Variants in IGF2BP2 observed in about 807,000 individuals in gnomAD.
IGF2BP2 encodes the protein insulin like growth factor 2 mRNA binding protein 2, also known as insulin-like growth factor 2 mRNA-binding protein 2.
IGF2BP2 carries 17 observed loss-of-function variants against 75.8 expected under a neutral mutation model. The observed-to-expected ratio is 0.22, with a 90% CI of 0.15 to 0.34. The LOEUF (loss-of-function observed/expected upper bound fraction) is 0.34, where lower values mean the gene tolerates loss of function less well. Among genes scored for constraint, IGF2BP2 ranks in the 10% least tolerant of loss-of-function variants. The probability of loss-of-function intolerance (pLI) is 1.00; values close to 1 mark genes in which losing one functional copy is unlikely to be tolerated. For synonymous variants in IGF2BP2, 288 were observed against 295.6 expected, an observed-to-expected ratio of 0.97 and a Z score of 0.26; for missense variants, 516 against 772.4, an observed-to-expected ratio of 0.67 and a Z score of 3.93.
At chr3:185,672,811 G>T in intron 9 of IGF2BP2, 142 bp from the exon 10 acceptor site, 1 of 861,522 alleles carries the variant, frequency 1.2e-6, no homozygotes, top group South Asian at 1.8e-5. Flanking sequence ...TGTATCAGAG[G>T]TGGGTGCCAC....
intron 7 of IGF2BP2, among the ~76,000 whole-genome samples, chr3:185,681,435 A>G (rs1720371966): frequency 6.6e-6 from 1 of 152,230 alleles, no homozygotes; most frequent in Non-Finnish European, 1.5e-5. Context: ...AGAAATTTAA[A>G]GGCACAAATA....
At chr3:185,805,741 C>A (rs1011497049) in intron 2 of IGF2BP2, among the ~76,000 whole-genome samples, 1 of 151,062 alleles carries the variant, frequency 6.6e-6, no homozygotes, top group Non-Finnish European at 1.5e-5. Context: ...CCTCTTAACT[C>A]GGGAAGATTA....
At chr3:185,792,396 A>T (rs945930200) in intron 2 of IGF2BP2, among the ~76,000 whole-genome samples, 1 of 152,192 alleles carries the variant, frequency 6.6e-6, no homozygotes, top group Non-Finnish European at 1.5e-5. Flanking sequence ...CTTAAGGCCC[A>T]GGGTTTGAAA....
At chr3:185,759,535 G>A (rs77969727) in intron 2 of IGF2BP2, among the ~76,000 whole-genome samples, 3,536 of 152,290 alleles carry the variant, frequency 0.023, 69 homozygotes, top group Middle Eastern at 0.054. Flanking sequence ...GCGAAACTAC[G>A]CTTAAGAGGT....
chr3:185,709,040 A>AT (rs1293976964), intron 2 of IGF2BP2, among the ~76,000 whole-genome samples: 1 of 152,230 alleles, frequency 6.6e-6, no homozygotes, highest in Non-Finnish European at 1.5e-5. Flanking sequence ...TCCTCAACTC[A>AT]TTATCTGTAA....
chr3:185,762,689 T>C (rs1317400065), intron 2 of IGF2BP2, among the ~76,000 whole-genome samples: 1 of 152,146 alleles, frequency 6.6e-6, no homozygotes, highest in Admixed American at 6.6e-5. Flanking sequence ...ATAGAGCTTA[T>C]ACTGGCTGCA....
At chr3:185,670,181 C>T (rs147666541) in intron 10 of IGF2BP2, among the ~76,000 whole-genome samples, 1 of 152,300 alleles carries the variant, frequency 6.6e-6, no homozygotes, top group East Asian at 1.9e-4. Context: ...ACAGGAAACA[C>T]ATATTTTAGC....
intron 2 of IGF2BP2, among the ~76,000 whole-genome samples, chr3:185,786,080 A>G (rs1049924425): frequency 2.2e-5 from 3 of 135,148 alleles, no homozygotes; most frequent in East Asian, 4.0e-4. Flanking sequence ...TGAGCTAATT[A>G]AACTTTTTTT....
intron 13 of IGF2BP2, 32 bp downstream of exon 13, chr3:185,652,062 C>T (rs1441314454): frequency 1.3e-6 from 2 of 1,572,984 alleles, no homozygotes; most frequent in Admixed American, 3.5e-5. Flanking sequence ...GTGCCCAGAG[C>T]CTGCAGGGCT....
intron 2 of IGF2BP2, among the ~76,000 whole-genome samples, chr3:185,772,355 T>C (rs1409467301): frequency 6.6e-6 from 1 of 152,190 alleles, no homozygotes; most frequent in Non-Finnish European, 1.5e-5. Context: ...CTGTAGAGCT[T>C]GGTCTTTACC....
At chr3:185,665,217 AGAGGAGGAGGAG>A (rs1165939543) in intron 10 of IGF2BP2, among the ~76,000 whole-genome samples, 2 of 135,548 alleles carry the variant, frequency 1.5e-5, no homozygotes, top group African/African-American at 5.5e-5. Context: ...AGGAGAAGGA[AGAGGAGGAGGAG>A]GAGGAGGAGA....
At chr3:185,722,343 C>T (rs952151209) in intron 2 of IGF2BP2, 1 of 434,116 alleles carries the variant, frequency 2.3e-6, no homozygotes, top group Non-Finnish European at 4.6e-6. Context: ...AATTCAGCTT[C>T]ATGGGTTATT....
chr3:185,684,397 CTTTT>C (rs1357078069), intron 7 of IGF2BP2, among the ~76,000 whole-genome samples: 1 of 145,628 alleles, frequency 6.9e-6, no homozygotes, highest in Non-Finnish European at 1.5e-5. Flanking sequence ...TGTAGAATTT[CTTTT>C]TTTTTTTTCT....
intron 2 of IGF2BP2, among the ~76,000 whole-genome samples, chr3:185,804,536 A>T (rs535278836): frequency 1.3e-5 from 2 of 152,274 alleles, no homozygotes; most frequent in South Asian, 4.1e-4. Flanking sequence ...GTCCAGTAGG[A>T]TTGTTTTTTA....
chr3:185,686,186 C>G (rs1042368800), intron 7 of IGF2BP2, among the ~76,000 whole-genome samples: 1 of 152,138 alleles, frequency 6.6e-6, no homozygotes, highest in African/African-American at 2.4e-5. Context: ...GAGTTCGAGA[C>G]TAGCCTGGCC....
At chr3:185,660,561 G>A (rs143312801) in intron 10 of IGF2BP2, among the ~76,000 whole-genome samples, 1 of 152,300 alleles carries the variant, frequency 6.6e-6, no homozygotes, top group Non-Finnish European at 1.5e-5. Flanking sequence ...CGGCTGTAGT[G>A]AGAGCCTTGC....
intron 2 of IGF2BP2, among the ~76,000 whole-genome samples, chr3:185,716,028 C>T (rs1390047714): frequency 6.6e-6 from 1 of 152,148 alleles, no homozygotes; most frequent in Admixed American, 6.5e-5. Context: ...AAAATAAAAG[C>T]ATCTCCACAA....
At chr3:185,753,520 G>T (rs1453440373) in intron 2 of IGF2BP2, among the ~76,000 whole-genome samples, 1 of 152,150 alleles carries the variant, frequency 6.6e-6, no homozygotes, top group Non-Finnish European at 1.5e-5. Flanking sequence ...GTCTGCCTCT[G>T]TGTCACACGA....
chr3:185,807,770 A>G (rs1231078351), intron 2 of IGF2BP2, among the ~76,000 whole-genome samples: 1 of 152,250 alleles, frequency 6.6e-6, no homozygotes, highest in Non-Finnish European at 1.5e-5. Flanking sequence ...CTCTGGGGGA[A>G]GACTATTGTC....
Sources: gnomAD v4.1 joint callset for allele counts (sites outside exome capture counted in the v4.1 genomes callset) on GRCh38, gnomAD v4.1.1 for gene constraint, MANE v1.5 for transcripts, NCBI Gene and HGNC (gene_info 2026-07-23, HGNC 2026-07-21) for gene names.